Variants in CGNL1 observed in about 807,000 individuals in gnomAD.
CGNL1 encodes cingulin-like protein 1.
Under a neutral mutation model 141.2 loss-of-function variants are expected in CGNL1, and 132 were observed. That is an observed-to-expected ratio of 0.93 (90% CI 0.81 to 1.08). The LOEUF is 1.08. CGNL1 is among the 50% of genes least tolerant of loss of function. The probability of loss-of-function intolerance (pLI) is 0.00; values close to 1 mark genes in which losing one functional copy is unlikely to be tolerated. For synonymous variants in CGNL1, 690 were observed against 622.1 expected (o/e 1.11, Z -1.63); for missense variants, 1,870 against 1,588.6 (o/e 1.18, Z -3.01).
At chr15:57,530,196 G>A (rs1241237713) in intron 13 of CGNL1, among the ~76,000 whole-genome samples, 1 of 152,224 alleles carries the variant, frequency 6.6e-6, no homozygotes, top group African/African-American at 2.4e-5. Flanking sequence ...CTTATAAAGA[G>A]GTGCTTTTAG....
chr15:57,528,522 G>A (rs2031755771), intron 12 of CGNL1, 132 bp from the exon 13 acceptor site: 2 of 866,102 alleles, frequency 2.3e-6, no homozygotes, highest in South Asian at 3.6e-5. Context: ...CTTGCTCAAG[G>A]TCTTCTGATC....
intron 1 of CGNL1, among the ~76,000 whole-genome samples, chr15:57,414,992 A>G (rs1037191131): frequency 1.1e-4 from 17 of 152,178 alleles, no homozygotes; most frequent in Non-Finnish European, 2.4e-4. Context: ...TAAAGGCACA[A>G]TGAAGAATCT....
intron 1 of CGNL1, among the ~76,000 whole-genome samples, chr15:57,411,592 C>T (rs1323956384): frequency 6.6e-5 from 10 of 151,804 alleles, no homozygotes; most frequent in South Asian, 2.1e-4. Flanking sequence ...TACAGGTGTC[C>T]GCCACCATGC....
At chr15:57,418,497 A>T (rs1489989175) in intron 1 of CGNL1, among the ~76,000 whole-genome samples, 1 of 152,126 alleles carries the variant, frequency 6.6e-6, no homozygotes, top group African/African-American at 2.4e-5. Context: ...TTGGTCTACC[A>T]TGGTTGCCCA....
intron 1 of CGNL1, among the ~76,000 whole-genome samples, chr15:57,395,201 G>A (rs1313049643): frequency 2.6e-5 from 4 of 152,162 alleles, no homozygotes; most frequent in Non-Finnish European, 5.9e-5. Flanking sequence ...AGTAAATTTA[G>A]CTAGTCAACT....
chr15:57,448,951 TG>T (rs199644176), intron 4 of CGNL1, among the ~76,000 whole-genome samples: 1 of 152,220 alleles, frequency 6.6e-6, no homozygotes, highest in East Asian at 1.9e-4. Context: ...CAGATTACCT[TG>T]ATTCTATATG....
chr15:57,539,266 T>C (rs1342869497), intron 14 of CGNL1, among the ~76,000 whole-genome samples: 2 of 152,176 alleles, frequency 1.3e-5, no homozygotes, highest in Non-Finnish European at 2.9e-5. Context: ...GTCCCTTTCT[T>C]GCCTCTACCT....
chr15:57,498,496 T>C (rs1453274292), intron 8 of CGNL1, among the ~76,000 whole-genome samples: 1 of 152,192 alleles, frequency 6.6e-6, no homozygotes, highest in Non-Finnish European at 1.5e-5. Context: ...TGAGCCCCTG[T>C]GCCCAACCTG....
At chr15:57,486,533 A>T (rs2063787666) in intron 8 of CGNL1, among the ~76,000 whole-genome samples, 1 of 152,152 alleles carries the variant, frequency 6.6e-6, no homozygotes, top group African/African-American at 2.4e-5. Flanking sequence ...CTTATTCCCA[A>T]AATTTTAGCC....
intron 12 of CGNL1, among the ~76,000 whole-genome samples, chr15:57,528,436 C>T (rs1187739076): frequency 6.6e-6 from 1 of 151,990 alleles, no homozygotes; most frequent in African/African-American, 2.4e-5. Context: ...AATTTGTAAC[C>T]TAATAGGTTG....
Position 57,528,674 on chromosome 15 carries a change from GT to G in CGNL1, c.3062del (p.Leu1021TyrfsTer22). 6.2e-7 allele frequency: 1 copy of G among 1,614,138 alleles called. No homozygotes were observed. Among genetic ancestry groups the G allele is most frequent in the Non-Finnish European group, 8.5e-7 (1 of 1,180,008 alleles). On this transcript the variant is annotated frameshift_variant, in exon 13 of 19. Transcript: ENST00000281282. LOFTEE classifies it high-confidence loss of function. ...QDEMRLMEEE[L>X]RDYQRAQDEA... ...CCTAGATGCGTCTGATGGAGGAAGA[GT>G]TACGGGACTACCAGAGAGCTCAGGA...
chr15:57,467,934 C>T lies in CGNL1; in HGVS notation c.2403+6042C>T, dbSNP rs139340541. ...AGAACTCCTGACCTCAGATAATTCA[C>T]CCGCCTTGGCCTGGCGAAGTACTGG... On this transcript the variant is annotated intron_variant, in intron 8 of 18. Transcript: ENST00000281282. Among the ~76,000 whole-genome samples, 1,292 of 152,258 alleles carry T rather than the reference C, an allele frequency of 8.5e-3. 19 individuals are homozygous for T. Among genetic ancestry groups the T allele is most frequent in the African/African-American group, 0.029 (1,225 of 41,542 alleles).
rs564684876 is a variant in CGNL1, at chr15:57,511,079, A to T, written c.2404-5701A>T. Among the ~76,000 whole-genome samples, 93 of 152,338 alleles carry T rather than the reference A, an allele frequency of 6.1e-4. 1 individual carries two copies. Among genetic ancestry groups the T allele is most frequent in the African/African-American group, 2.2e-3 (91 of 41,566 alleles). On this transcript the variant is annotated intron_variant, in intron 8 of 18. Coordinates refer to ENST00000281282, the MANE Select transcript of CGNL1 (RefSeq NM_032866.5). ...TAAAAGAAAATGTATATTTATTTTTAAAAATGGTAATACATGTTGAATTTC... is the reference window on the plus strand; with the variant it reads ...TAAAAGAAAATGTATATTTATTTTTTAAAATGGTAATACATGTTGAATTTC...
intron 1 of CGNL1, among the ~76,000 whole-genome samples, chr15:57,400,570 T>G (rs1300309629): frequency 6.6e-6 from 1 of 152,102 alleles, no homozygotes. Context: ...TTCACTTATT[T>G]TCTTTCTTAT....
At chr15:57,516,540 AAGC>A in intron 8 of CGNL1, among the ~76,000 whole-genome samples, 1 of 152,280 alleles carries the variant, frequency 6.6e-6, no homozygotes, top group Admixed American at 6.5e-5. Flanking sequence ...TGTAGCTTGA[AAGC>A]AGCCACAGAC....
chr15:57,423,250 A>G (rs912018165), intron 1 of CGNL1, among the ~76,000 whole-genome samples: 5 of 152,202 alleles, frequency 3.3e-5, no homozygotes, highest in Non-Finnish European at 7.3e-5. Flanking sequence ...AAAAAGTAAT[A>G]GTCCATAAAA....
intron 8 of CGNL1, among the ~76,000 whole-genome samples, chr15:57,500,290 G>A (rs1396564801): frequency 1.3e-5 from 2 of 152,170 alleles, no homozygotes; most frequent in East Asian, 1.9e-4. Context: ...TGCAGCACTG[G>A]CAGAGAGGCC....
intron 1 of CGNL1, among the ~76,000 whole-genome samples, chr15:57,399,417 C>G (rs574016589): frequency 1.3e-3 from 197 of 152,186 alleles, no homozygotes; most frequent in Non-Finnish European, 2.1e-3. Flanking sequence ...TTGAATACTT[C>G]ATATTATTGG....
intron 1 of CGNL1, among the ~76,000 whole-genome samples, chr15:57,432,623 C>T (rs902440381): frequency 6.6e-6 from 1 of 152,306 alleles, no homozygotes; most frequent in East Asian, 1.9e-4. Flanking sequence ...TCCCCGACGG[C>T]GCAAGCGTGT....
Sources: gnomAD v4.1 joint callset for allele counts (sites outside exome capture counted in the v4.1 genomes callset) on GRCh38, gnomAD v4.1.1 for gene constraint, MANE v1.5 for transcripts, NCBI Gene and HGNC (gene_info 2026-07-23, HGNC 2026-07-21) for gene names.